Variants in NEBL observed in about 807,000 individuals in gnomAD.
NEBL encodes LIM and SH3 protein 2.
In NEBL, 122 loss-of-function variants were observed where a neutral mutation model predicts 140.2. That is an observed-to-expected ratio of 0.87 (90% confidence interval 0.75 to 1.01). The LOEUF (loss-of-function observed/expected upper bound fraction) is 1.01, where lower values mean the gene tolerates loss of function less well. Among genes scored for constraint, NEBL ranks in the 50% least tolerant of loss-of-function variants. NEBL has a pLI of 0.00. For missense variants in NEBL, 1,365 were observed against 1,231.3 expected (o/e 1.11, Z -1.62); for synonymous variants, 436 against 398.9 (o/e 1.09, Z -1.11).
intron 2 of NEBL, among the ~76,000 whole-genome samples, chr10:21,047,454 T>G (rs1834572453): frequency 6.6e-6 from 1 of 152,162 alleles, no homozygotes; most frequent in Admixed American, 6.5e-5. Flanking sequence ...AAGAATCTAT[T>G]AATAATACAA....
At chr10:20,835,893 G>T (rs573691364) in intron 13 of NEBL, among the ~76,000 whole-genome samples, 1 of 152,144 alleles carries the variant, frequency 6.6e-6, no homozygotes, top group Non-Finnish European at 1.5e-5. Context: ...ATTTTCTTTG[G>T]GGCTGGAGGA....
At chr10:21,095,334 T>TAAGAG (rs56276562) in intron 2 of NEBL, among the ~76,000 whole-genome samples, 130,174 of 151,630 alleles carry the variant, frequency 0.86, 56,157 homozygotes, top group Middle Eastern at 0.92. Flanking sequence ...GAAAAGCAGA[T>TAAGAG]AAAAGATAAG....
intron 4 of NEBL, among the ~76,000 whole-genome samples, chr10:20,934,225 T>C (rs974256537): frequency 3.9e-5 from 6 of 152,136 alleles, no homozygotes; most frequent in African/African-American, 1.4e-4. Flanking sequence ...GTATTCCTTC[T>C]ATTACAGAGA....
upstream of NEBL, among the ~76,000 whole-genome samples, chr10:21,179,637 A>C (rs964813463): frequency 1.3e-5 from 2 of 152,042 alleles, no homozygotes; most frequent in African/African-American, 2.4e-5. Context: ...GTATTGGACC[A>C]TTACTGTGCA....
chr10:20,801,173 ATC>A (rs370921218), intron 26 of NEBL, among the ~76,000 whole-genome samples: 14 of 150,222 alleles, frequency 9.3e-5, no homozygotes, highest in Admixed American at 2.7e-4. Context: ...CTACTTGGCT[ATC>A]TCTCTCTCTC....
At chr10:21,166,168 C>T (rs534698273) in intron 2 of NEBL, among the ~76,000 whole-genome samples, 77 of 131,514 alleles carry the variant, frequency 5.9e-4, no homozygotes, top group Non-Finnish European at 1.1e-3. Flanking sequence ...TGCAGTGAGC[C>T]GAGATCAAGC....
chr10:21,128,822 T>C (rs546151299), intron 2 of NEBL, among the ~76,000 whole-genome samples: 6 of 151,980 alleles, frequency 3.9e-5, no homozygotes, highest in African/African-American at 1.4e-4. Context: ...CCAGAAAAGA[T>C]GGTCCTCAAA....
intron 2 of NEBL, among the ~76,000 whole-genome samples, chr10:21,167,092 G>A (rs764583189): frequency 6.6e-6 from 1 of 152,208 alleles, no homozygotes; most frequent in Non-Finnish European, 1.5e-5. Context: ...TGTGCTGACC[G>A]TTCTGGGTGA....
intron 2 of NEBL, among the ~76,000 whole-genome samples, chr10:21,072,155 G>A (rs749608416): frequency 1.4e-4 from 21 of 151,890 alleles, no homozygotes; most frequent in Non-Finnish European, 3.1e-4. Context: ...AAAGAGAATC[G>A]GTTCCATGCT....
At chr10:21,167,110 C>G (rs969683987) in intron 2 of NEBL, among the ~76,000 whole-genome samples, 7 of 152,180 alleles carry the variant, frequency 4.6e-5, no homozygotes, top group African/African-American at 7.2e-5. Context: ...TGACTCGTCA[C>G]GAGATGCACC....
chr10:20,992,438 G>A (rs551784585), intron 3 of NEBL, among the ~76,000 whole-genome samples: 1 of 152,310 alleles, frequency 6.6e-6, no homozygotes, highest in South Asian at 2.1e-4. Flanking sequence ...TGGGGAAGCA[G>A]GCACCATGCA....
intron 2 of NEBL, 41 bp downstream of exon 2, chr10:20,896,917 G>A: frequency 4.6e-6 from 7 of 1,505,964 alleles, no homozygotes; most frequent in Non-Finnish European, 6.5e-6. Context: ...AATACCACAG[G>A]TGCAATGCAA....
chr10:20,834,369 TC>T (rs1249062416), intron 14 of NEBL, among the ~76,000 whole-genome samples: 5 of 152,120 alleles, frequency 3.3e-5, no homozygotes, highest in Non-Finnish European at 4.4e-5. Flanking sequence ...GTTTTCAAGT[TC>T]CTCATGCTCC....
At position 21,052,691 on chromosome 10, in the gene NEBL, C is replaced by T. The variant is rs578157996; in HGVS notation, c.165-32490G>A. Among the ~76,000 whole-genome samples the T allele has an allele frequency of 3.9e-5, 6 of 152,322 alleles. No individual in the cohort carries two copies. The South Asian group carries it at 1.2e-3, about 32-fold the overall frequency. ...ATGGATAATCCAGTGAAATCACCAACACTCAGGAAGAGCAGTGCCGCTCCA... is the reference window on the plus strand; with the variant it reads ...ATGGATAATCCAGTGAAATCACCAATACTCAGGAAGAGCAGTGCCGCTCCA... On this transcript the variant is annotated intron_variant, in intron 2 of 6. Transcript: ENST00000417816.
intron 4 of NEBL, among the ~76,000 whole-genome samples, chr10:20,940,906 T>G (rs1474615784): frequency 1.3e-5 from 2 of 152,230 alleles, no homozygotes; most frequent in African/African-American, 2.4e-5. Context: ...AATCTCTGAA[T>G]AGACCAATAA....
chr10:20,902,136 G>T (rs1368601303), upstream of NEBL, among the ~76,000 whole-genome samples: 1 of 152,106 alleles, frequency 6.6e-6, no homozygotes, highest in African/African-American at 2.4e-5. Context: ...GGGCGCGGTG[G>T]CTCACGCTTG....
At chr10:20,954,771 G>A (rs1835701281) in intron 4 of NEBL, among the ~76,000 whole-genome samples, 1 of 152,150 alleles carries the variant, frequency 6.6e-6, no homozygotes, top group Non-Finnish European at 1.5e-5. Flanking sequence ...TACCCTAGTG[G>A]GCAGGCTGGT....
intron 2 of NEBL, among the ~76,000 whole-genome samples, chr10:21,091,399 A>G (rs960022374): frequency 2.6e-5 from 4 of 152,226 alleles, no homozygotes; most frequent in Non-Finnish European, 1.5e-5. Context: ...AGCATCAAGG[A>G]TGCTAGCTAG....
chr10:20,815,162 A>C (rs919483938), intron 22 of NEBL, among the ~76,000 whole-genome samples: 1 of 152,252 alleles, frequency 6.6e-6, no homozygotes, highest in Admixed American at 6.5e-5. Flanking sequence ...GACTTTGGTG[A>C]GCAACTGAAT....
Sources: allele counts gnomAD v4.1 joint callset (sites outside exome capture counted in the v4.1 genomes callset), GRCh38; gene constraint gnomAD v4.1.1; transcripts MANE v1.5; gene names NCBI Gene and HGNC (gene_info 2026-07-23, HGNC 2026-07-21).